Variants in NDEL1 observed in about 807,000 individuals in gnomAD.
The protein encoded by NDEL1 is nuclear distribution protein nudE-like 1.
Under a neutral mutation model 45.7 loss-of-function variants are expected in NDEL1, and 9 were observed. That is an observed-to-expected ratio of 0.20 (90% CI 0.12 to 0.34). The LOEUF (loss-of-function observed/expected upper bound fraction) is 0.34, where lower values mean the gene tolerates loss of function less well. NDEL1 is among the 10% of genes least tolerant of loss of function. NDEL1 has a pLI of 1.00. For missense variants in NDEL1, 306 were observed against 406.2 expected (o/e 0.75, Z 2.12); for synonymous variants, 133 against 158.6 (o/e 0.84, Z 1.21).
At chr17:8,472,117 C>G (rs1174459091), downstream of NDEL1, among the ~76,000 whole-genome samples, 1 of 152,138 alleles carries the variant, frequency 6.6e-6, no homozygotes, top group Non-Finnish European at 1.5e-5. Context: ...AGTGAGCTCT[C>G]TTCTCCAGTC....
At chr17:8,473,642 C>T (rs1047043704) in intron 3 of NDEL1, among the ~76,000 whole-genome samples, 25 of 152,196 alleles carry the variant, frequency 1.6e-4, no homozygotes, top group African/African-American at 5.5e-4. Flanking sequence ...GGCACTTCGG[C>T]CCATTTCACA....
rs751878083 is a variant in NDEL1 at position 8,448,585 on chromosome 17, G to A, written c.425G>A (p.Arg142Lys). The A allele has an allele frequency of 6.2e-7, 1 of 1,614,126 alleles. No homozygotes were observed. Among genetic ancestry groups the A allele is most frequent in the Non-Finnish European group, 8.5e-7 (1 of 1,179,998 alleles). The change falls in exon 5 of 9, where the codon AGG (arginine) becomes AAG (lysine). Residue 142 changes from arginine to lysine, a missense_variant. Physicochemically the swap from Arg to Lys is conservative, Grantham distance 26 (BLOSUM62 2). Coordinates refer to ENST00000334527, the MANE Select transcript of NDEL1 (RefSeq NM_030808.5). The part of the protein sequence containing the change: ...TIVSLEDFEQ[R>K]LNQAIERNAF... ...GTTTCACTGGAAGACTTTGAACAAA[G>A]GCTAAACCAGGCCATTGAACGAAAT... is the stretch of plus-strand genomic sequence containing the variant.
chr17:8,422,894 C>T (rs546895441), intron 1 of NDEL1, among the ~76,000 whole-genome samples: 1 of 152,090 alleles, frequency 6.6e-6, no homozygotes, highest in Non-Finnish European at 1.5e-5. Flanking sequence ...CACTACCACA[C>T]CCGGCTAATT....
chr17:8,456,441 AAAT>A (rs919133793), intron 7 of NDEL1, among the ~76,000 whole-genome samples: 5 of 152,010 alleles, frequency 3.3e-5, no homozygotes, highest in Admixed American at 3.3e-4. Flanking sequence ...TCTTTTAAAA[AAAT>A]TACTTTAACA....
chr17:8,454,910 T>C, intron 7 of NDEL1, 23 bp downstream of exon 7: 1 of 1,556,824 alleles, frequency 6.4e-7, no homozygotes, highest in Non-Finnish European at 8.9e-7. Flanking sequence ...TATTTATCAC[T>C]AGGTGTTTCC....
intron 8 of NDEL1, among the ~76,000 whole-genome samples, chr17:8,461,697 G>A (rs539192850): frequency 1.3e-5 from 2 of 152,310 alleles, no homozygotes; most frequent in East Asian, 1.9e-4. Flanking sequence ...TTACATGAGC[G>A]TAGCCATTTC....
At chr17:8,463,233 G>T in intron 8 of NDEL1, 1 of 1,019,426 alleles carries the variant, frequency 9.8e-7, no homozygotes, top group South Asian at 1.4e-5. Flanking sequence ...TTTGGGCTGT[G>T]TGTAGGTGGG....
intron 6 of NDEL1, among the ~76,000 whole-genome samples, chr17:8,452,382 T>G (rs565767080): frequency 5.9e-5 from 9 of 152,268 alleles, no homozygotes; most frequent in African/African-American, 1.7e-4. Context: ...ATTCAGGGAC[T>G]TGGGGAGTCA....
chr17:8,463,331 T>G, intron 8 of NDEL1: 2 of 1,612,866 alleles, frequency 1.2e-6, no homozygotes, highest in South Asian at 2.2e-5. Flanking sequence ...CAAGAAAAAG[T>G]CATATTTCCC....
intron 8 of NDEL1, chr17:8,461,077 C>T (rs1050487071): frequency 2.0e-5 from 3 of 152,166 alleles, no homozygotes; most frequent in Non-Finnish European, 2.9e-5. Flanking sequence ...ACCCGTGATC[C>T]TTGGCTACTG....
chr17:8,418,176 C>T, intron 1 of NDEL1, among the ~76,000 whole-genome samples: 1 of 152,298 alleles, frequency 6.6e-6, no homozygotes, highest in South Asian at 2.1e-4. Context: ...CCCTTGTCCA[C>T]TGTTGTTTCC....
intron 1 of NDEL1, among the ~76,000 whole-genome samples, chr17:8,436,967 C>T (rs1321437825): frequency 2.0e-5 from 3 of 152,164 alleles, no homozygotes; most frequent in Non-Finnish European, 2.9e-5. Context: ...ATACCCTTCT[C>T]AGCTACAAAA....
chr17:8,433,231 C>G (rs565882715), upstream of NDEL1, among the ~76,000 whole-genome samples: 188 of 152,284 alleles, frequency 1.2e-3, 2 homozygotes, highest in African/African-American at 4.1e-3. Flanking sequence ...GTTAGCTCAA[C>G]TTTAATTTTT....
chr17:8,440,867 A>G (rs1909687588), intron 1 of NDEL1, among the ~76,000 whole-genome samples: 1 of 152,214 alleles, frequency 6.6e-6, no homozygotes, highest in Non-Finnish European at 1.5e-5. Context: ...ATGGGTCAAA[A>G]CCAACAAAAA....
chr17:8,431,570 T>C (rs1437345361), upstream of NDEL1, among the ~76,000 whole-genome samples: 2 of 152,208 alleles, frequency 1.3e-5, no homozygotes, highest in South Asian at 4.1e-4. Context: ...TTGTTAATAG[T>C]GTGTTTTCTG....
chr17:8,445,302 AAAAT>A (rs1362364906), intron 2 of NDEL1, among the ~76,000 whole-genome samples: 1 of 152,250 alleles, frequency 6.6e-6, no homozygotes, highest in African/African-American at 2.4e-5. Flanking sequence ...AATAGTCATG[AAAAT>A]AAATATATTT....
At chr17:8,424,725 C>T (rs749530819) in intron 1 of NDEL1, among the ~76,000 whole-genome samples, 2 of 152,162 alleles carry the variant, frequency 1.3e-5, no homozygotes, top group Non-Finnish European at 2.9e-5. Flanking sequence ...AGGATGGTCT[C>T]GATCTCCTGA....
intron 1 of NDEL1, among the ~76,000 whole-genome samples, chr17:8,429,432 G>A (rs1394554589): frequency 1.3e-5 from 2 of 152,170 alleles, no homozygotes; most frequent in Non-Finnish European, 2.9e-5. Context: ...AGTCTCTTGT[G>A]AACTGTGTAG....
intron 3 of NDEL1, 185 bp downstream of exon 3, chr17:8,446,049 G>T (rs114606446): frequency 3.9e-4 from 181 of 467,286 alleles, no homozygotes; most frequent in African/African-American, 3.0e-3. Flanking sequence ...GAGTTTAGGA[G>T]TTCACTTAGA....
Sources: gnomAD v4.1 joint callset for allele counts (sites outside exome capture counted in the v4.1 genomes callset) on GRCh38, gnomAD v4.1.1 for gene constraint, MANE v1.5 for transcripts, NCBI Gene and HGNC (gene_info 2026-07-23, HGNC 2026-07-21) for gene names.